MYO16: variants seen among roughly 807,000 people sequenced by gnomAD.
MYO16 encodes the protein myosin XVI.
MYO16 carries 94 observed loss-of-function variants against 205.3 expected under a neutral mutation model. The observed-to-expected ratio is 0.46, with a 90% CI of 0.39 to 0.54. The LOEUF (loss-of-function observed/expected upper bound fraction) is 0.54. MYO16 is among the 20% of genes least tolerant of loss of function. The pLI is 0.00. For synonymous variants in MYO16, 988 were observed against 954.0 expected (o/e 1.04, Z -0.66); for missense variants, 2,315 against 2,387.5 (o/e 0.97, Z 0.63).
At chr13:108,885,111 A>G (rs979329407) in intron 13 of MYO16, among the ~76,000 whole-genome samples, 2 of 152,288 alleles carry the variant, frequency 1.3e-5, no homozygotes, top group Middle Eastern at 3.4e-3. Flanking sequence ...GCACCAAGGC[A>G]GGGGCTTCCA....
chr13:108,607,293 A>G (rs1435147952), intron 1 of MYO16, among the ~76,000 whole-genome samples: 1 of 152,086 alleles, frequency 6.6e-6, no homozygotes, highest in Non-Finnish European at 1.5e-5. Flanking sequence ...GTGGAATCAT[A>G]TGGTCTGGCT....
At chr13:108,899,367 A>G (rs1880595984) in intron 15 of MYO16, among the ~76,000 whole-genome samples, 1 of 152,042 alleles carries the variant, frequency 6.6e-6, no homozygotes, top group Non-Finnish European at 1.5e-5. Context: ...AGGTTGCAGT[A>G]AGCAGATATC....
intron 24 of MYO16, chr13:109,048,568 A>G (rs1887129523): frequency 2.6e-6 from 1 of 386,772 alleles, no homozygotes; most frequent in African/African-American, 2.1e-5. Context: ...ATTTACAAAA[A>G]CAGGCAGTGG....
At chr13:108,946,361 G>C (rs984837444) in intron 16 of MYO16, among the ~76,000 whole-genome samples, 2 of 152,040 alleles carry the variant, frequency 1.3e-5, no homozygotes, top group African/African-American at 4.8e-5. Flanking sequence ...CAAAGGAAAC[G>C]AGTAGAGCTG....
Position 108,806,756 on chromosome 13 carries a change from A to T in MYO16, c.819A>T (p.Val273=). 6.2e-7 allele frequency: 1 copy of T among 1,613,116 alleles called. No individual in the cohort carries two copies. Among genetic ancestry groups the T allele is most frequent in the East Asian group, 2.2e-5 (1 of 44,838 alleles). ...AACATGGTGGAGACCTCAACATAGT[A>T]GATGATCAGTACTGGACTCCCCTCC... ...ILEHGGDLNI[V]DDQYWTPLHL... The change falls in exon 7 of 35, where the codon GTA becomes GTT. Residue 273 remains valine, a synonymous_variant. Coordinates refer to ENST00000457511, the MANE Select transcript of MYO16 (RefSeq NM_001198950.3).
At chr13:108,820,438 T>C (rs1365629908) in intron 8 of MYO16, 26 bp downstream of exon 8, 5 of 1,558,834 alleles carry the variant, frequency 3.2e-6, no homozygotes, top group Admixed American at 3.5e-5. Context: ...CCTTGGACCA[T>C]TGAGCAGGTA....
intron 4 of MYO16, among the ~76,000 whole-genome samples, chr13:108,738,921 T>G (rs1884800012): frequency 6.6e-6 from 1 of 152,170 alleles, no homozygotes; most frequent in Admixed American, 6.5e-5. Flanking sequence ...TGATCTTTGT[T>G]GGTTTAAGGT....
At chr13:109,039,305 C>A (rs74119808) in intron 23 of MYO16, among the ~76,000 whole-genome samples, 2 of 152,146 alleles carry the variant, frequency 1.3e-5, no homozygotes, top group Admixed American at 1.3e-4. Context: ...CATAGGCAAT[C>A]GGCAAGGGTG....
rs79467552 is a variant in MYO16, at chr13:108,681,951, C to T, written c.292+15802C>T. ...TGCCCCAAGACCGTTCCCAGGACAG[C>T]GGCATCCTCCTCATCTGAGAACTTG... On this transcript the variant is annotated intron_variant, in intron 2 of 34. Transcript: ENST00000457511. Among the ~76,000 whole-genome samples, 117 of 152,296 alleles carry T rather than the reference C, an allele frequency of 7.7e-4. No individual in the cohort carries two copies. The East Asian group carries it at 0.019, about 24-fold the overall frequency.
intron 4 of MYO16, among the ~76,000 whole-genome samples, chr13:108,734,235 C>G (rs1397730375): frequency 6.6e-6 from 1 of 150,488 alleles, no homozygotes; most frequent in East Asian, 2.0e-4. Context: ...ATTAAAAAAT[C>G]TTTGATGCAA....
At chr13:109,199,240 A>ATG (rs1304819356) in intron 34 of MYO16, among the ~76,000 whole-genome samples, 3 of 94,024 alleles carry the variant, frequency 3.2e-5, no homozygotes, top group Non-Finnish European at 6.5e-5. Flanking sequence ...ATATATATAT[A>ATG]CCGTCATTTT....
chr13:108,575,766 A>G, the MYO16 span, among the ~76,000 whole-genome samples: 1 of 152,098 alleles, frequency 6.6e-6, no homozygotes, highest in Non-Finnish European at 1.5e-5. Flanking sequence ...GTTTCTGGCC[A>G]TGGTGTGGTG....
intron 4 of MYO16, among the ~76,000 whole-genome samples, chr13:108,728,997 T>TG (rs953308643): frequency 1.5e-4 from 23 of 151,564 alleles, no homozygotes; most frequent in Non-Finnish European, 3.1e-4. Flanking sequence ...TTTTTTTTTT[T>TG]TACAGTAGAA....
At chr13:108,759,814 C>A (rs1204816274) in intron 4 of MYO16, among the ~76,000 whole-genome samples, 1 of 113,344 alleles carries the variant, frequency 8.8e-6, no homozygotes, top group Non-Finnish European at 2.0e-5. Flanking sequence ...AGCGAGACTC[C>A]GTCTCAAAAA....
chr13:108,684,833 C>T (rs996115253), intron 2 of MYO16, among the ~76,000 whole-genome samples: 6 of 152,258 alleles, frequency 3.9e-5, no homozygotes, highest in Admixed American at 6.5e-5. Flanking sequence ...CTGTGAGGGC[C>T]GCCTGGTGAG....
the MYO16 span, among the ~76,000 whole-genome samples, chr13:108,568,819 C>T: frequency 2.6e-5 from 4 of 151,946 alleles, no homozygotes; most frequent in East Asian, 1.9e-4. Flanking sequence ...AAGAGTTTTG[C>T]GGTTTTGTCC....
intron 4 of MYO16, among the ~76,000 whole-genome samples, chr13:108,761,241 C>T (rs1885598540): frequency 6.6e-6 from 1 of 152,160 alleles, no homozygotes; most frequent in African/African-American, 2.4e-5. Context: ...TGGATAAGCT[C>T]ATCTGACCTT....
At chr13:108,720,464 G>T (rs1455636222) in intron 3 of MYO16, among the ~76,000 whole-genome samples, 1 of 152,066 alleles carries the variant, frequency 6.6e-6, no homozygotes, top group Non-Finnish European at 1.5e-5. Context: ...AATGTTCTTT[G>T]AACTACTGAG....
chr13:109,133,425 C>A (rs1198111752), intron 31 of MYO16, among the ~76,000 whole-genome samples: 4 of 152,162 alleles, frequency 2.6e-5, no homozygotes, highest in African/African-American at 9.7e-5. Context: ...AGAATGGGAC[C>A]AAATAACTTA....
Sources: allele counts gnomAD v4.1 joint callset (sites outside exome capture counted in the v4.1 genomes callset), GRCh38; gene constraint gnomAD v4.1.1; transcripts MANE v1.5; gene names NCBI Gene and HGNC (gene_info 2026-07-23, HGNC 2026-07-21).